Variants in NOL4 observed in about 807,000 individuals in gnomAD.
NOL4 encodes nucleolar protein 4, also known as cancer/testis antigen 125.
NOL4 carries 17 observed loss-of-function variants against 75.9 expected under a neutral mutation model. The ratio of observed to expected loss-of-function variants is 0.22; its 90% confidence interval spans 0.15 to 0.34. The LOEUF is 0.34. Among genes scored for constraint, NOL4 ranks in the 10% least tolerant of loss-of-function variants. The pLI, the probability that NOL4 is intolerant of heterozygous loss-of-function variation, is 1.00. For missense variants in NOL4, 614 were observed against 793.5 expected, an observed-to-expected ratio of 0.77 and a Z score of 2.72; for synonymous variants, 292 against 289.9, an observed-to-expected ratio of 1.01 and a Z score of -0.07.
At chr18:34,021,107 G>A in intron 5 of NOL4, among the ~76,000 whole-genome samples, 1 of 152,122 alleles carries the variant, frequency 6.6e-6, no homozygotes, top group Non-Finnish European at 1.5e-5. Context: ...ACTAACATTT[G>A]TTAAGTGCTT....
At position 34,140,364 on chromosome 18, in the gene NOL4, T is replaced by C. The variant is rs189822554; in HGVS notation, c.265-10344A>G. Among the ~76,000 whole-genome samples, 37 of 152,330 alleles carry C rather than the reference T, an allele frequency of 2.4e-4. No individual in the cohort carries two copies. In the East Asian group the frequency reaches 4.1e-3, roughly 17 times the overall value. ...CTTGCTTTATGAATCTGGGTGCTCC[T>C]GTATTGGGTGCATATATATTTAGGA... On this transcript the variant is annotated intron_variant, in intron 1 of 10. Coordinates refer to ENST00000261592, the MANE Select transcript of NOL4 (RefSeq NM_003787.5).
chr18:34,094,262 T>TA (rs1328440044), intron 4 of NOL4, among the ~76,000 whole-genome samples: 1 of 152,268 alleles, frequency 6.6e-6, no homozygotes, highest in African/African-American at 2.4e-5. Context: ...AAGGGCTTTA[T>TA]AAAAAAATTT....
At chr18:33,968,981 T>A (rs1028068921) in intron 6 of NOL4, among the ~76,000 whole-genome samples, 1 of 152,180 alleles carries the variant, frequency 6.6e-6, no homozygotes, top group African/African-American at 2.4e-5. Context: ...ACAGTTTATG[T>A]TTTTTACTGT....
At chr18:34,056,058 T>C (rs1600419807) in intron 5 of NOL4, among the ~76,000 whole-genome samples, 1 of 152,230 alleles carries the variant, frequency 6.6e-6, no homozygotes, top group African/African-American at 2.4e-5. Flanking sequence ...TATGTTCTTT[T>C]TTGAGCTTAC....
Position 33,923,681 on chromosome 18 carries a change from T to G in NOL4, c.1542+19384A>C, listed in dbSNP as rs144588048. On this transcript the variant is annotated intron_variant, in intron 9 of 10. Transcript: ENST00000261592. ...GTGTACATAATGTATTGTATATGTT[T>G]ACATCTTTTTATACATCACTTCAAA... Among the ~76,000 whole-genome samples, 25 of 152,326 alleles carry G rather than the reference T, an allele frequency of 1.6e-4. No individual in the cohort carries two copies. In the East Asian group the frequency reaches 4.8e-3, roughly 29 times the overall value.
At chr18:34,178,498 G>A (rs994818767) in intron 1 of NOL4, among the ~76,000 whole-genome samples, 3 of 151,568 alleles carry the variant, frequency 2.0e-5, no homozygotes, top group Non-Finnish European at 3.0e-5. Context: ...AATGTTGAAA[G>A]TAAAAGGATG....
intron 9 of NOL4, among the ~76,000 whole-genome samples, chr18:33,916,062 A>G (rs1471367401): frequency 1.3e-5 from 2 of 152,168 alleles, no homozygotes; most frequent in Non-Finnish European, 1.5e-5. Context: ...GTCTAACAAC[A>G]CTAAGTGACT....
chr18:34,013,669 G>A (rs528979832), intron 6 of NOL4, among the ~76,000 whole-genome samples: 18 of 152,044 alleles, frequency 1.2e-4, no homozygotes, highest in Non-Finnish European at 2.4e-4. Context: ...TTTAACCAAT[G>A]AGAATTAACT....
intron 7 of NOL4, 68 bp from the exon 8 acceptor site, chr18:33,957,585 T>TAATCAAGACAGGAAG: frequency 8.1e-7 from 1 of 1,231,726 alleles, no homozygotes; most frequent in Non-Finnish European, 1.1e-6. Flanking sequence ...TAGCTTCCTG[T>TAATCAAGACAGGAAG]CTTGATTACC....
chr18:34,023,406 G>A lies in NOL4; in HGVS notation c.773-3805C>T, dbSNP rs545879326. 8.6e-5 allele frequency: 39 copies of A among 455,954 alleles called. No homozygotes were observed. In the East Asian group the frequency reaches 2.6e-3, roughly 30 times the overall value. 28.2% of individuals were successfully genotyped at this position (455,954 alleles called of 1,614,324 possible). A position where few individuals can be genotyped will look rare whatever the true frequency, so the allele number is the denominator to read the frequency against. ...GACTCCTGTAACCAATTCATATCAGGTCATCACTTTAAAGGGGTAATCTGC... is the reference window on the plus strand; with the variant it reads ...GACTCCTGTAACCAATTCATATCAGATCATCACTTTAAAGGGGTAATCTGC... On this transcript the variant is annotated intron_variant, in intron 5 of 10. Transcript: ENST00000261592.
intron 5 of NOL4, among the ~76,000 whole-genome samples, chr18:34,073,395 T>C (rs76471505): frequency 0.038 from 5,816 of 152,134 alleles, 169 homozygotes; most frequent in South Asian, 0.095. Flanking sequence ...CCAAAATCCA[T>C]AGATGTTCAA....
chr18:34,157,721 G>A (rs2030692686), intron 1 of NOL4, among the ~76,000 whole-genome samples: 1 of 152,060 alleles, frequency 6.6e-6, no homozygotes, highest in Non-Finnish European at 1.5e-5. Flanking sequence ...ACAAGAAGAT[G>A]GGAAGAGATT....
chr18:33,861,938 C>T (rs1638562885), intron 10 of NOL4, among the ~76,000 whole-genome samples: 1 of 152,034 alleles, frequency 6.6e-6, no homozygotes, highest in Non-Finnish European at 1.5e-5. Context: ...TCATATGGAA[C>T]CAAAAAAGAG....
At chr18:34,134,485 C>CAT (rs1568379739) in intron 1 of NOL4, among the ~76,000 whole-genome samples, 16 of 134,754 alleles carry the variant, frequency 1.2e-4, no homozygotes, top group African/African-American at 4.3e-4. Flanking sequence ...CACACACACA[C>CAT]ACACACACAC....
chr18:33,874,942 G>A (rs1046870774), intron 10 of NOL4, among the ~76,000 whole-genome samples: 3 of 151,892 alleles, frequency 2.0e-5, no homozygotes, highest in Non-Finnish European at 4.4e-5. Context: ...GAGCAAGGAA[G>A]CTAATGAATG....
At chr18:33,900,271 T>C (rs2065668729) in intron 9 of NOL4, among the ~76,000 whole-genome samples, 1 of 152,016 alleles carries the variant, frequency 6.6e-6, no homozygotes, top group Non-Finnish European at 1.5e-5. Flanking sequence ...GGTGAACTAA[T>C]AGACTGAGAA....
intron 4 of NOL4, among the ~76,000 whole-genome samples, chr18:34,102,420 C>G (rs2079080240): frequency 1.3e-5 from 2 of 151,964 alleles, no homozygotes; most frequent in Non-Finnish European, 2.9e-5. Flanking sequence ...CTTTACTTAA[C>G]CTCTTTTTCA....
chr18:34,206,372 G>A (rs1308956990), intron 1 of NOL4, among the ~76,000 whole-genome samples: 1 of 152,022 alleles, frequency 6.6e-6, no homozygotes, highest in Non-Finnish European at 1.5e-5. Flanking sequence ...CATTACTGAA[G>A]CTCCAGATAT....
chr18:34,185,921 T>C (rs1012710156), intron 1 of NOL4, among the ~76,000 whole-genome samples: 2 of 152,218 alleles, frequency 1.3e-5, no homozygotes, highest in Non-Finnish European at 1.5e-5. Context: ...TCATGCTGTG[T>C]GCCTAATATG....
Sources: gnomAD v4.1 joint callset for allele counts (sites outside exome capture counted in the v4.1 genomes callset) on GRCh38, gnomAD v4.1.1 for gene constraint, MANE v1.5 for transcripts, NCBI Gene and HGNC (gene_info 2026-07-23, HGNC 2026-07-21) for gene names.